COL19A1: variants seen among roughly 807,000 people sequenced by gnomAD.
The protein encoded by COL19A1 is collagen alpha-1(XIX) chain.
In COL19A1, 159 loss-of-function variants were observed where a neutral mutation model predicts 190.2. The observed-to-expected ratio is 0.84, with a 90% confidence interval of 0.73 to 0.95. The LOEUF (loss-of-function observed/expected upper bound fraction) is 0.95, where lower values mean the gene tolerates loss of function less well. Among genes scored for constraint, COL19A1 ranks in the 40% least tolerant of loss-of-function variants. COL19A1 has a pLI of 0.00. For missense variants in COL19A1, 1,418 were observed against 1,431.9 expected (o/e 0.99, Z 0.16); for synonymous variants, 509 against 458.9 (o/e 1.11, Z -1.39).
chr6:69,868,087 A>C (rs182144716), intron 1 of COL19A1, among the ~76,000 whole-genome samples: 100 of 151,740 alleles, frequency 6.6e-4, no homozygotes, highest in Middle Eastern at 3.4e-3. Context: ...GATGAAACAA[A>C]CGCACACCAG....
At chr6:70,144,085 A>G in intron 23 of COL19A1, 125 bp from the exon 24 acceptor site, 1 of 773,072 alleles carries the variant, frequency 1.3e-6, no homozygotes, top group Non-Finnish European at 2.0e-6. Flanking sequence ...AAATCAATCC[A>G]ACTCCTTCTA....
chr6:70,146,843 C>T lies in COL19A1; in HGVS notation c.1847C>T (p.Ser616Phe). ...GERGLPGVHGSPGDIGPQGIG... is the reference protein window; with the variant it reads ...GERGLPGVHGFPGDIGPQGIG... ...AGAGGACTTCCAGGTGTTCACGGTTCCCCAGGGGACATAGGCCCACAAGGG... is the reference window on the plus strand; with the variant it reads ...AGAGGACTTCCAGGTGTTCACGGTTTCCCAGGGGACATAGGCCCACAAGGG... Residue 616 changes from serine (S) to phenylalanine (F), a missense_variant, in exon 27 of 51, where the codon TCC becomes TTC. Coordinates refer to ENST00000620364, the MANE Select transcript of COL19A1 (RefSeq NM_001858.6). 6.3e-7 allele frequency: 1 copy of T among 1,596,462 alleles called. No individual in the cohort carries two copies. Among genetic ancestry groups the T allele is most frequent in the Non-Finnish European group, 8.5e-7 (1 of 1,172,834 alleles).
At chr6:69,993,703 G>C (rs1461733279) in intron 11 of COL19A1, among the ~76,000 whole-genome samples, 1 of 152,054 alleles carries the variant, frequency 6.6e-6, no homozygotes, top group Non-Finnish European at 1.5e-5. Context: ...CTGTTTCTAG[G>C]AGTTTACCTA....
chr6:70,121,802 G>C (rs1784894100), intron 16 of COL19A1, 78 bp from the exon 17 acceptor site: 1 of 912,546 alleles, frequency 1.1e-6, no homozygotes, highest in Admixed American at 2.5e-5. Context: ...GATTTCAAGA[G>C]TTCTTAGATA....
chr6:70,159,154 A>T (rs1787623000), intron 34 of COL19A1, among the ~76,000 whole-genome samples: 2 of 151,956 alleles, frequency 1.3e-5, no homozygotes, highest in African/African-American at 4.8e-5. Context: ...TAGCAAAAAA[A>T]AAAAAGGAAT....
rs372802177 is a variant in COL19A1, at chr6:70,187,160, G to A, written c.2857-915G>A. 1.4e-4 allele frequency among the ~76,000 whole-genome samples: 22 copies of A among 152,180 alleles called. No individual in the cohort carries two copies. In the South Asian group the frequency reaches 2.7e-3, roughly 19 times the overall value. Reference sequence around the variant, plus strand: ...CTCCCAAAGTGCTGTGATTACAGGCGTGAGCCACCGCGCCTGGCCCAACTG... The same window carrying A: ...CTCCCAAAGTGCTGTGATTACAGGCATGAGCCACCGCGCCTGGCCCAACTG... On this transcript the variant is annotated intron_variant, in intron 46 of 50. Coordinates refer to ENST00000620364, the MANE Select transcript of COL19A1 (RefSeq NM_001858.6).
chr6:70,000,712 G>A (rs1363627955), intron 11 of COL19A1, among the ~76,000 whole-genome samples: 1 of 152,066 alleles, frequency 6.6e-6, no homozygotes, highest in Non-Finnish European at 1.5e-5. Flanking sequence ...TTTTGATGGG[G>A]TTGTTTGCTT....
chr6:70,186,502 A>G (rs1766524248), intron 46 of COL19A1, among the ~76,000 whole-genome samples: 1 of 152,176 alleles, frequency 6.6e-6, no homozygotes, highest in Non-Finnish European at 1.5e-5. Context: ...GATCACACAA[A>G]TCTCTGTAAC....
At chr6:70,205,903 C>CA (rs1056563417) in intron 49 of COL19A1, among the ~76,000 whole-genome samples, 1 of 152,194 alleles carries the variant, frequency 6.6e-6, no homozygotes. Flanking sequence ...GGGAGACTGT[C>CA]AGTCTCCTCT....
At chr6:69,909,386 A>G (rs984339149) in intron 4 of COL19A1, among the ~76,000 whole-genome samples, 1 of 152,142 alleles carries the variant, frequency 6.6e-6, no homozygotes, top group Non-Finnish European at 1.5e-5. Context: ...AATTATAATT[A>G]TAATTATAAG....
At chr6:70,061,107 C>T (rs7748885) in intron 14 of COL19A1, among the ~76,000 whole-genome samples, 70,922 of 151,856 alleles carry the variant, frequency 0.47, 17,075 homozygotes, top group Non-Finnish European at 0.51. Context: ...CTTTACTAAA[C>T]GGGAGGAACA....
chr6:70,159,003 G>A (rs1423850789), intron 34 of COL19A1, among the ~76,000 whole-genome samples: 1 of 152,056 alleles, frequency 6.6e-6, no homozygotes, highest in East Asian at 1.9e-4. Flanking sequence ...AGGCTGATGG[G>A]AATGATTTTT....
chr6:70,103,801 C>T (rs772897807), intron 16 of COL19A1, among the ~76,000 whole-genome samples: 1 of 152,196 alleles, frequency 6.6e-6, no homozygotes, highest in African/African-American at 2.4e-5. Flanking sequence ...TCTTATTTTC[C>T]TCATCTGTCT....
intron 15 of COL19A1, among the ~76,000 whole-genome samples, chr6:70,087,908 C>T (rs922308035): frequency 6.6e-6 from 1 of 152,144 alleles, no homozygotes; most frequent in African/African-American, 2.4e-5. Flanking sequence ...TTATTTCAGG[C>T]CAGTAGGTTG....
chr6:69,949,919 T>C (rs1473477537), intron 9 of COL19A1, among the ~76,000 whole-genome samples: 6 of 151,854 alleles, frequency 4.0e-5, no homozygotes, highest in Admixed American at 4.0e-4. Context: ...AATATGTATC[T>C]CAGGTCTAAT....
chr6:70,204,659 T>C (rs1431537324), intron 49 of COL19A1, among the ~76,000 whole-genome samples: 2 of 152,214 alleles, frequency 1.3e-5, no homozygotes, highest in African/African-American at 4.8e-5. Context: ...ATGAAATCGC[T>C]AAGTTTTAGC....
intron 14 of COL19A1, among the ~76,000 whole-genome samples, chr6:70,055,940 T>A (rs1780482245): frequency 1.3e-5 from 2 of 152,260 alleles, no homozygotes; most frequent in South Asian, 4.1e-4. Flanking sequence ...TCCCTGTTAT[T>A]GCCTTCCATA....
intron 4 of COL19A1, among the ~76,000 whole-genome samples, chr6:69,914,927 T>G (rs573302397): frequency 1.1e-3 from 172 of 152,260 alleles, no homozygotes; most frequent in Non-Finnish European, 2.2e-3. Flanking sequence ...TTCTTCATCT[T>G]TTTTTTATAT....
intron 2 of COL19A1, among the ~76,000 whole-genome samples, chr6:69,889,738 G>GT (rs1490183357): frequency 3.3e-5 from 5 of 152,146 alleles, no homozygotes; most frequent in African/African-American, 1.2e-4. Context: ...CTAAAGGATT[G>GT]TAAACACACC....
Sources: allele counts gnomAD v4.1 joint callset (sites outside exome capture counted in the v4.1 genomes callset), GRCh38; gene constraint gnomAD v4.1.1; transcripts MANE v1.5; gene names NCBI Gene and HGNC (gene_info 2026-07-23, HGNC 2026-07-21).